CAMK1D: variants seen among roughly 807,000 people sequenced by gnomAD.
CAMK1D encodes the protein calcium/calmodulin dependent protein kinase ID, also known as calcium/calmodulin-dependent protein kinase type 1D.
Under a neutral mutation model 47.7 loss-of-function variants are expected in CAMK1D, and 9 were observed. The observed-to-expected ratio is 0.19, with a 90% CI of 0.11 to 0.33. The LOEUF (loss-of-function observed/expected upper bound fraction) is 0.33. CAMK1D is among the 10% of genes least tolerant of loss of function. CAMK1D has a pLI of 1.00. For missense variants in CAMK1D, 291 were observed against 488.7 expected (o/e 0.60, Z 3.81); for synonymous variants, 184 against 184.9 (o/e 0.99, Z 0.04).
At chr10:12,543,798 G>A (rs970361776) in intron 1 of CAMK1D, among the ~76,000 whole-genome samples, 5 of 152,184 alleles carry the variant, frequency 3.3e-5, no homozygotes, top group South Asian at 4.2e-4. Context: ...ACCTCAGATC[G>A]TTTCACTTGG....
intron 3 of CAMK1D, among the ~76,000 whole-genome samples, chr10:12,704,520 G>A (rs1344596777): frequency 4.0e-5 from 6 of 151,886 alleles, no homozygotes; most frequent in African/African-American, 1.5e-4. Flanking sequence ...TCAAAAAGAA[G>A]AGGTTGTTTG....
chr10:12,743,366 A>G (rs1835522108), intron 3 of CAMK1D, among the ~76,000 whole-genome samples: 2 of 151,072 alleles, frequency 1.3e-5, no homozygotes, highest in South Asian at 2.1e-4. Context: ...AAAAGAAAAA[A>G]GAAAAAAAGA....
intron 3 of CAMK1D, among the ~76,000 whole-genome samples, chr10:12,667,640 G>T (rs60617267): frequency 1.3e-5 from 2 of 152,324 alleles, no homozygotes; most frequent in East Asian, 3.9e-4. Flanking sequence ...ATAAGATTAA[G>T]TTTAATGACT....
intron 2 of CAMK1D, among the ~76,000 whole-genome samples, chr10:12,652,769 G>T (rs964783388): frequency 1.3e-5 from 2 of 152,152 alleles, no homozygotes; most frequent in African/African-American, 2.4e-5. Flanking sequence ...TATAAGCTCA[G>T]ACCACCTTAG....
At chr10:12,752,216 C>A (rs1232372972) in intron 3 of CAMK1D, among the ~76,000 whole-genome samples, 2 of 152,138 alleles carry the variant, frequency 1.3e-5, no homozygotes, top group Non-Finnish European at 2.9e-5. Flanking sequence ...CTCCTGACTT[C>A]AGGTGATCTG....
intron 3 of CAMK1D, among the ~76,000 whole-genome samples, chr10:12,691,392 TA>T (rs1832902089): frequency 2.8e-4 from 2 of 7,100 alleles, no homozygotes; most frequent in African/African-American, 5.0e-4. Context: ...TATATATATA[TA>T]TATATATATA....
rs181774555 is a variant in CAMK1D at position 12,727,363 on chromosome 10, A to T, written c.300-33585A>T. Among the ~76,000 whole-genome samples the T allele has an allele frequency of 4.3e-4, 66 of 152,368 alleles. No individual in the cohort carries two copies. In the East Asian group the frequency reaches 0.01, roughly 24 times the overall value. Reference sequence around the variant, plus strand: ...AAGCAGGCATCACTGGTCTGTGCTTATGTAACGATATTTCTCACTAGCTTC... The same window carrying T: ...AAGCAGGCATCACTGGTCTGTGCTTTTGTAACGATATTTCTCACTAGCTTC... On this transcript the variant is annotated intron_variant, in intron 3 of 10. Transcript: ENST00000619168.
At chr10:12,818,408 T>C (rs1832888581) in intron 8 of CAMK1D, among the ~76,000 whole-genome samples, 1 of 152,206 alleles carries the variant, frequency 6.6e-6, no homozygotes, top group Non-Finnish European at 1.5e-5. Context: ...TGGTGGCTTA[T>C]GCCTGTAATC....
intron 1 of CAMK1D, among the ~76,000 whole-genome samples, chr10:12,416,169 A>G (rs1839842977): frequency 6.6e-6 from 1 of 151,848 alleles, no homozygotes; most frequent in Non-Finnish European, 1.5e-5. Flanking sequence ...TTTTTTTAGC[A>G]TCTACATTTT....
At chr10:12,664,595 G>A (rs1840370963) in intron 2 of CAMK1D, among the ~76,000 whole-genome samples, 1 of 152,186 alleles carries the variant, frequency 6.6e-6, no homozygotes, top group Non-Finnish European at 1.5e-5. Context: ...AACCTCCAAG[G>A]CAAGCCAGGG....
chr10:12,682,514 A>T (rs1832483491), intron 3 of CAMK1D, among the ~76,000 whole-genome samples: 1 of 152,256 alleles, frequency 6.6e-6, no homozygotes, highest in African/African-American at 2.4e-5. Context: ...TGGATTAAAA[A>T]TTTACAATTC....
At chr10:12,702,643 A>G (rs773350268) in intron 3 of CAMK1D, among the ~76,000 whole-genome samples, 7 of 152,194 alleles carry the variant, frequency 4.6e-5, no homozygotes, top group Admixed American at 2.6e-4. Context: ...AGGTTCAGTT[A>G]TGATGATCCC....
At chr10:12,592,957 C>G (rs1011278533) in intron 2 of CAMK1D, among the ~76,000 whole-genome samples, 1 of 152,188 alleles carries the variant, frequency 6.6e-6, no homozygotes, top group Non-Finnish European at 1.5e-5. Flanking sequence ...TTAAATGTCA[C>G]TTTCTCAGGG....
At chr10:12,507,578 G>A (rs1834913962) in intron 1 of CAMK1D, among the ~76,000 whole-genome samples, 1 of 152,130 alleles carries the variant, frequency 6.6e-6, no homozygotes, top group South Asian at 2.1e-4. Flanking sequence ...CCCAGCAACT[G>A]TGTGCCTCTG....
intron 1 of CAMK1D, among the ~76,000 whole-genome samples, chr10:12,502,781 A>G (rs1834745340): frequency 6.6e-6 from 1 of 152,194 alleles, no homozygotes; most frequent in Non-Finnish European, 1.5e-5. Context: ...AGGTGTGTGT[A>G]GGACCCGGTG....
chr10:12,668,977 A>G (rs1840520999), intron 3 of CAMK1D, among the ~76,000 whole-genome samples: 1 of 152,236 alleles, frequency 6.6e-6, no homozygotes, highest in African/African-American at 2.4e-5. Context: ...CACGCCTGCA[A>G]TCCCAGCACT....
chr10:12,648,668 G>A (rs1490697501), intron 2 of CAMK1D, among the ~76,000 whole-genome samples: 2 of 151,856 alleles, frequency 1.3e-5, no homozygotes, highest in Non-Finnish European at 2.9e-5. Context: ...GTGGGGTTTC[G>A]CTATCTTGGC....
chr10:12,807,280 A>G (rs2131056297), intron 6 of CAMK1D, among the ~76,000 whole-genome samples: 1 of 152,322 alleles, frequency 6.6e-6, no homozygotes, highest in Non-Finnish European at 1.5e-5. Context: ...CAGTTGCCTT[A>G]AGGAAGAGAG....
chr10:12,531,053 G>A (rs1835789389), intron 1 of CAMK1D, among the ~76,000 whole-genome samples: 1 of 88,520 alleles, frequency 1.1e-5, no homozygotes, highest in Non-Finnish European at 2.3e-5. Flanking sequence ...GTGAGACTCT[G>A]CTTAAAAAAA....
Sources: allele counts gnomAD v4.1 joint callset (sites outside exome capture counted in the v4.1 genomes callset), GRCh38; gene constraint gnomAD v4.1.1; transcripts MANE v1.5; gene names NCBI Gene and HGNC (gene_info 2026-07-23, HGNC 2026-07-21).